DENND4A: variants seen among roughly 807,000 people sequenced by gnomAD.
DENND4A encodes the protein C-myc promoter-binding protein.
DENND4A carries 70 observed loss-of-function variants against 199.3 expected under a neutral mutation model. The ratio of observed to expected loss-of-function variants is 0.35; its 90% CI spans 0.29 to 0.43. DENND4A has a LOEUF of 0.43. Ranked by LOEUF, DENND4A falls within the 20% of genes least tolerant of loss-of-function variation. DENND4A has a pLI of 1.00. For missense variants in DENND4A, 1,723 were observed against 2,255.8 expected (o/e 0.76, Z 4.78); for synonymous variants, 686 against 766.9 (o/e 0.89, Z 1.74).
intron 12 of DENND4A, among the ~76,000 whole-genome samples, chr15:65,722,460 G>A (rs1171098375): frequency 2.6e-5 from 4 of 151,854 alleles, no homozygotes; most frequent in South Asian, 2.1e-4. Context: ...AAGCAAGACC[G>A]TGTCTCAAAA....
chr15:65,757,266 G>T (rs1006185177), intron 2 of DENND4A, among the ~76,000 whole-genome samples: 31 of 147,588 alleles, frequency 2.1e-4, no homozygotes, highest in African/African-American at 2.2e-4. Flanking sequence ...CTGAGATGGG[G>T]GGGGGGGGGT....
chr15:65,748,065 G>GAAAAAA (rs1299007692), intron 4 of DENND4A, among the ~76,000 whole-genome samples: 34 of 108,898 alleles, frequency 3.1e-4, no homozygotes, highest in African/African-American at 6.6e-4. Flanking sequence ...AAAAAAAAAG[G>GAAAAAA]AAAAAAAAAA....
intron 4 of DENND4A, among the ~76,000 whole-genome samples, chr15:65,748,261 AT>A (rs1301279687): frequency 6.6e-6 from 1 of 151,888 alleles, no homozygotes; most frequent in African/African-American, 2.4e-5. Flanking sequence ...TTGAGGAAAA[AT>A]TTAAAAATTA....
At position 65,732,837 on chromosome 15, in the gene DENND4A, T is replaced by A. The variant is rs757745115; in HGVS notation, c.1041-19A>T. 2.0e-6 allele frequency: 3 copies of A among 1,479,856 alleles called. No individual in the cohort carries two copies. The allele number at this position is 1,479,856 out of a possible 1,614,324, so 91.7% of individuals were successfully genotyped here. A position where few individuals can be genotyped will look rare whatever the true frequency, so the allele number is the denominator to read the frequency against. On this transcript the variant is annotated intron_variant, in intron 7 of 32. Coordinates refer to ENST00000443035, the MANE Select transcript of DENND4A (RefSeq NM_001320835.1). The stretch of plus-strand genomic sequence containing the variant: ...AATATGCCTTGAAAACAAACAAAAG[T>A]GTAAGTGATTCCAAAGTGAACGTCA...
At chr15:65,765,266 C>T (rs1378993016) in intron 1 of DENND4A, among the ~76,000 whole-genome samples, 1 of 152,098 alleles carries the variant, frequency 6.6e-6, no homozygotes, top group Non-Finnish European at 1.5e-5. Context: ...CAAGAAAACC[C>T]GGAATAGAAA....
intron 1 of DENND4A, among the ~76,000 whole-genome samples, chr15:65,774,613 T>C (rs1004112089): frequency 6.6e-6 from 1 of 152,082 alleles, no homozygotes; most frequent in African/African-American, 2.4e-5. Context: ...GGTTGCTGAG[T>C]GAGCTGAGAT....
Position 65,742,408 on chromosome 15 carries a change from C to G in DENND4A, c.562-624G>C, listed in dbSNP as rs576691771. 9.9e-5 allele frequency among the ~76,000 whole-genome samples: 15 copies of G among 151,760 alleles called. No homozygotes were observed. The South Asian group carries it at 2.9e-3, about 30-fold the overall frequency. On this transcript the variant is annotated intron_variant, in intron 4 of 32. Transcript: ENST00000443035. ...AAGTGATTCTCATGCCTCAGTCTCC[C>G]AAGTAGCTGGGATTACAGGCACGTG... is the stretch of plus-strand genomic sequence containing the variant.
At chr15:65,749,257 T>C (rs2076497716) in intron 4 of DENND4A, among the ~76,000 whole-genome samples, 1 of 152,226 alleles carries the variant, frequency 6.6e-6, no homozygotes, top group African/African-American at 2.4e-5. Context: ...TCTGGAGTTC[T>C]GCAACCTGAA....
rs182111285 is a variant in DENND4A at position 65,664,739 on chromosome 15, G to T, written c.5360-17C>A. 254 of 1,598,586 alleles carry T rather than the reference G, an allele frequency of 1.6e-4. No individual in the cohort carries two copies. In the East Asian group the frequency reaches 3.4e-3, roughly 21 times the overall value. On this transcript the variant is annotated splice_polypyrimidine_tract_variant and intron_variant, in intron 30 of 32. Transcript: ENST00000443035. ...ATTTTTGGGCTGTAAACGAACAAAA[G>T]AACAGATGAAGGAAAATGTTCTGTG...
intron 14 of DENND4A, among the ~76,000 whole-genome samples, chr15:65,706,443 AAAT>A (rs1228267067): frequency 7.2e-6 from 1 of 138,652 alleles, no homozygotes; most frequent in Non-Finnish European, 1.5e-5. Context: ...GAAAAGGGGA[AAAT>A]AACACACACA....
intron 4 of DENND4A, among the ~76,000 whole-genome samples, chr15:65,744,244 GAAGA>G (rs1044448785): frequency 6.6e-6 from 1 of 152,166 alleles, no homozygotes; most frequent in African/African-American, 2.4e-5. Flanking sequence ...TAACAGGAAG[GAAGA>G]AACTCAATTG....
chr15:65,714,117 C>CT (rs2075322968), intron 14 of DENND4A, among the ~76,000 whole-genome samples: 1 of 151,964 alleles, frequency 6.6e-6, no homozygotes, highest in Non-Finnish European at 1.5e-5. Flanking sequence ...CAATAAGAAA[C>CT]TTTATTATCT....
At chr15:65,715,258 T>C (rs1001732419) in intron 14 of DENND4A, 13 of 399,346 alleles carry the variant, frequency 3.3e-5, no homozygotes, top group Non-Finnish European at 4.8e-5. Flanking sequence ...ACAATAAAAC[T>C]TATGATTACA....
intron 30 of DENND4A, 92 bp from the exon 31 acceptor site, chr15:65,664,814 A>T: frequency 8.8e-7 from 1 of 1,133,738 alleles, no homozygotes; most frequent in Non-Finnish European, 1.2e-6. Context: ...TAAGTTACAA[A>T]GCACTAAAAA....
At position 65,694,447 on chromosome 15, in the gene DENND4A, T is replaced by C. The variant is rs574932642; in HGVS notation, c.3082+1919A>G. Among the ~76,000 whole-genome samples, 540 of 124,792 alleles carry C rather than the reference T, an allele frequency of 4.3e-3. 3 individuals carry two copies. The highest frequency in any genetic ancestry group is 0.021 in the African/African-American group (521 of 25,144). The allele number at this position is 124,792 out of a possible 152,430, so 81.9% of individuals were successfully genotyped here. A position where few individuals can be genotyped will look rare whatever the true frequency, so the allele number is the denominator to read the frequency against. ...CTGGGCACCAGAGTGAGACTCTGTC[T>C]CCAAAAAAAAAAAAAATTCAAGATA... On this transcript the variant is annotated intron_variant, in intron 22 of 32. Transcript: ENST00000443035.
chr15:65,756,579 T>C, intron 2 of DENND4A, 107 bp from the exon 3 acceptor site: 1 of 685,042 alleles, frequency 1.5e-6, no homozygotes, highest in Non-Finnish European at 2.4e-6. Context: ...ACTAGTTCCT[T>C]GATAAACACA....
chr15:65,786,580 T>A (rs1467341149), intron 1 of DENND4A, among the ~76,000 whole-genome samples: 1 of 151,886 alleles, frequency 6.6e-6, no homozygotes, highest in South Asian at 2.1e-4. Context: ...GAAAAAAAAA[T>A]TAATAAAAAT....
At chr15:65,703,081 T>G (rs1260051903) in intron 15 of DENND4A, 73 bp from the exon 16 acceptor site, 4 of 1,382,236 alleles carry the variant, frequency 2.9e-6, no homozygotes, top group Non-Finnish European at 3.9e-6. Flanking sequence ...TGGTTACAGG[T>G]TAATATAATT....
intron 1 of DENND4A, among the ~76,000 whole-genome samples, chr15:65,782,017 TAA>T (rs1033027359): frequency 2.0e-5 from 3 of 152,186 alleles, no homozygotes; most frequent in Non-Finnish European, 4.4e-5. Context: ...TACAGTGGGA[TAA>T]AGAGTAAATA....
Sources: allele counts gnomAD v4.1 joint callset (sites outside exome capture counted in the v4.1 genomes callset), GRCh38; gene constraint gnomAD v4.1.1; transcripts MANE v1.5; gene names NCBI Gene and HGNC (gene_info 2026-07-23, HGNC 2026-07-21).